PRKAR1A: variants seen among roughly 807,000 people sequenced by gnomAD.
PRKAR1A encodes protein kinase cAMP-dependent type I regulatory subunit alpha, also known as cAMP-dependent protein kinase type I-alpha regulatory subunit.
Under a neutral mutation model 52.0 loss-of-function variants are expected in PRKAR1A, and 3 were observed. The observed-to-expected ratio is 0.06, with a 90% CI of 0.03 to 0.15. The LOEUF (loss-of-function observed/expected upper bound fraction) is 0.15. Ranked by LOEUF, PRKAR1A falls within the 10% of genes least tolerant of loss-of-function variation. The pLI is 1.00. For missense variants in PRKAR1A, 240 were observed against 477.4 expected (o/e 0.50, Z 4.63); for synonymous variants, 188 against 168.4 (o/e 1.12, Z -0.90).
At chr17:68,513,379 AC>A (rs2085331887) in intron 1 of PRKAR1A, 1 of 152,208 alleles carries the variant, frequency 6.6e-6, no homozygotes, top group African/African-American at 2.4e-5. Flanking sequence ...GCAAACACTT[AC>A]TCAAGATGAC....
chr17:68,506,337 C>T, the PRKAR1A span, among the ~76,000 whole-genome samples: 3 of 152,140 alleles, frequency 2.0e-5, no homozygotes, highest in African/African-American at 7.2e-5. Flanking sequence ...CCATTATATC[C>T]CAGACACCTT....
chr17:68,537,361 C>T (rs1461859804), downstream of PRKAR1A: 1 of 1,344,018 alleles, frequency 7.4e-7, no homozygotes, highest in South Asian at 1.2e-5. This position sits in a 1 kb window ranked among gnomAD's most constrained non-coding sequence, Gnocchi z 4.2. Context: ...GTCCTGCTTC[C>T]TTCCTAGCTG....
intron 11 of PRKAR1A, chr17:68,540,512 C>T (rs1419938124): frequency 1.7e-5 from 8 of 481,834 alleles, no homozygotes; most frequent in Non-Finnish European, 2.9e-5. Flanking sequence ...GAGGCCCTCC[C>T]TGCTACATAT....
chr17:68,448,073 A>G, the PRKAR1A span, among the ~76,000 whole-genome samples: 75 of 152,228 alleles, frequency 4.9e-4, 1 homozygote, highest in African/African-American at 1.7e-3. Context: ...GTTTTTCAAA[A>G]AAGAAACTGT....
At chr17:68,454,701 T>C in the PRKAR1A span, among the ~76,000 whole-genome samples, 2 of 152,236 alleles carry the variant, frequency 1.3e-5, no homozygotes, top group Admixed American at 6.5e-5. Context: ...TTTCTTCACA[T>C]AAACTTTTTC....
chr17:68,516,747 A>G (rs936340516), intron 2 of PRKAR1A, among the ~76,000 whole-genome samples: 17 of 152,082 alleles, frequency 1.1e-4, no homozygotes, highest in Admixed American at 2.6e-4. Context: ...AACAAAAACA[A>G]CTAGTCACTG....
At chr17:68,448,446 G>GC in the PRKAR1A span, 3 of 152,168 alleles carry the variant, frequency 2.0e-5, no homozygotes, top group Non-Finnish European at 4.4e-5. Context: ...TCGTGGCTTT[G>GC]CCATGAATTG....
chr17:68,489,638 C>G, the PRKAR1A span, among the ~76,000 whole-genome samples: 2 of 151,580 alleles, frequency 1.3e-5, no homozygotes, highest in Non-Finnish European at 2.9e-5. Flanking sequence ...GCAACCTCTG[C>G]CTCCCAGGTT....
chr17:68,474,909 A>G, the PRKAR1A span, among the ~76,000 whole-genome samples: 3 of 152,164 alleles, frequency 2.0e-5, no homozygotes, highest in Admixed American at 6.5e-5. Context: ...ATAAATCACA[A>G]TCAAAATGCC....
chr17:68,544,713 A>C (rs2143543596), intron 11 of PRKAR1A, among the ~76,000 whole-genome samples: 1 of 133,796 alleles, frequency 7.5e-6, no homozygotes, highest in East Asian at 1.9e-4. Flanking sequence ...CCGTTACAGC[A>C]CAACCCTCCG....
At chr17:68,466,290 G>GTGATTGATGCC in the PRKAR1A span, among the ~76,000 whole-genome samples, 2 of 151,976 alleles carry the variant, frequency 1.3e-5, no homozygotes, top group South Asian at 4.1e-4. Context: ...GAAGGCCCTT[G>GTGATTGATGCC]TGATTGATGC....
chr17:68,527,910 A>T lies in PRKAR1A; in HGVS notation c.769+10A>T, dbSNP rs375239425. 2.4e-5 allele frequency: 39 copies of T among 1,603,422 alleles called. No individual in the cohort carries two copies. The East Asian group carries it at 3.6e-4, about 15-fold the overall frequency. On this transcript the variant is annotated intron_variant, in intron 8 of 10. Coordinates refer to ENST00000589228, the MANE Select transcript of PRKAR1A (RefSeq NM_002734.5). ...AAAGTCTCTATTTTAGGTGAGTTGT[A>T]AAGTGTGTTAACTTTGCTAGTATGT...
the PRKAR1A span, among the ~76,000 whole-genome samples, chr17:68,437,010 A>ATGTGTGTGTGTGTGTGTGTGTG: frequency 1.3e-5 from 1 of 77,910 alleles, no homozygotes; most frequent in Non-Finnish European, 2.7e-5. Context: ...AAAAAAATAT[A>ATGTGTGTGTGTGTGTGTGTGTG]TATATATGTG....
At chr17:68,431,448 T>G in the PRKAR1A span, among the ~76,000 whole-genome samples, 1 of 151,182 alleles carries the variant, frequency 6.6e-6, no homozygotes, top group South Asian at 2.1e-4. Context: ...GTTCTGGGGG[T>G]GGTGGCTGCT....
the PRKAR1A span, chr17:68,433,344 G>A: frequency 1.7e-5 from 16 of 929,332 alleles, no homozygotes; most frequent in African/African-American, 2.5e-4. Flanking sequence ...CATCACTTAG[G>A]TGAAGTCCCA....
chr17:68,467,133 C>T, the PRKAR1A span, among the ~76,000 whole-genome samples: 1 of 152,184 alleles, frequency 6.6e-6, no homozygotes, highest in Non-Finnish European at 1.5e-5. Context: ...CCTTTGAATA[C>T]GCATATCACA....
intron 5 of PRKAR1A, among the ~76,000 whole-genome samples, chr17:68,524,370 A>G (rs975976092): frequency 4.6e-5 from 7 of 152,132 alleles, no homozygotes; most frequent in Non-Finnish European, 1.0e-4. Context: ...TATATCTCTC[A>G]TGTTCTTTAT....
chr17:68,450,820 G>T, the PRKAR1A span: 1 of 1,614,150 alleles, frequency 6.2e-7, no homozygotes, highest in Non-Finnish European at 8.5e-7. Context: ...TTCATCTGCC[G>T]TGGTTTTGTG....
At chr17:68,415,075 G>A in the PRKAR1A span, among the ~76,000 whole-genome samples, 1 of 151,988 alleles carries the variant, frequency 6.6e-6, no homozygotes, top group African/African-American at 2.4e-5. Context: ...GCTGGGTTTT[G>A]TTTGTTCTTG....
Sources: gnomAD v4.1 joint callset for allele counts (sites outside exome capture counted in the v4.1 genomes callset) on GRCh38, gnomAD v4.1.1 for gene constraint, Gnocchi (gnomAD v3.1) non-coding constraint, MANE v1.5 for transcripts, NCBI Gene and HGNC (gene_info 2026-07-23, HGNC 2026-07-21) for gene names.